EXT1: variants seen among roughly 807,000 people sequenced by gnomAD.
EXT1 encodes the protein exostosin-1.
In EXT1, 20 loss-of-function variants were observed where a neutral mutation model predicts 82.5. That is an observed-to-expected ratio of 0.24 (90% CI 0.17 to 0.35). EXT1 has a LOEUF of 0.35. Among genes scored for constraint, EXT1 ranks in the 10% least tolerant of loss-of-function variants. The pLI is 1.00. For synonymous variants in EXT1, 348 were observed against 350.8 expected (o/e 0.99, Z 0.09); for missense variants, 757 against 936.5 (o/e 0.81, Z 2.50).
At position 117,810,332 on chromosome 8, in the gene EXT1, T is replaced by C. The variant is rs1224122829; in HGVS notation, c.1722+2540A>G. ...CTAAAAAAAGAGAAAAGAGAAATCC[T>C]TGCCCAGGACCATTTTAGGCAACAC... On this transcript the variant is annotated intron_variant, in intron 8 of 10. Coordinates refer to ENST00000378204, the MANE Select transcript of EXT1 (RefSeq NM_000127.3). 2.0e-5 allele frequency among the ~76,000 whole-genome samples: 3 copies of C among 152,194 alleles called. No homozygotes were observed. In the East Asian group the frequency reaches 5.8e-4, roughly 29 times the overall value.
Position 117,879,884 on chromosome 8 carries a change from T to C in EXT1, c.963-42683A>G, listed in dbSNP as rs190639080. ...CTTATGATTCAAAATCCATACACCATATAAGGTGTGCTTTGGATGAGTCTT... is the reference window on the plus strand; with the variant it reads ...CTTATGATTCAAAATCCATACACCACATAAGGTGTGCTTTGGATGAGTCTT... On this transcript the variant is annotated intron_variant, in intron 1 of 10. Transcript: ENST00000378204. Among the ~76,000 whole-genome samples the C allele has an allele frequency of 4.2e-3, 641 of 152,322 alleles. 5 individuals are homozygous for C. Among genetic ancestry groups the C allele is most frequent in the African/African-American group, 0.015 (609 of 41,562 alleles).
At chr8:118,067,981 T>C (rs1469735228) in intron 1 of EXT1, among the ~76,000 whole-genome samples, 1 of 152,192 alleles carries the variant, frequency 6.6e-6, no homozygotes, top group Non-Finnish European at 1.5e-5. Flanking sequence ...TTTGCAATAT[T>C]AGTAACAAAA....
intron 1 of EXT1, among the ~76,000 whole-genome samples, chr8:117,981,981 T>A (rs907580251): frequency 1.3e-5 from 2 of 152,228 alleles, no homozygotes; most frequent in Non-Finnish European, 2.9e-5. Flanking sequence ...AGTTTAGATT[T>A]TTTTTCCAGA....
chr8:117,884,454 C>T (rs1350836126), intron 1 of EXT1, among the ~76,000 whole-genome samples: 1 of 152,150 alleles, frequency 6.6e-6, no homozygotes, highest in Non-Finnish European at 1.5e-5. Context: ...TTCTTAGATG[C>T]AATCATTACT....
intron 1 of EXT1, among the ~76,000 whole-genome samples, chr8:117,990,317 GA>G (rs550196633): frequency 1.1e-3 from 171 of 152,312 alleles, no homozygotes; most frequent in African/African-American, 3.6e-3. Context: ...AGCAGACAAG[GA>G]AAAACTTTCA....
chr8:118,022,786 G>C (rs1816132684), intron 1 of EXT1, among the ~76,000 whole-genome samples: 1 of 152,110 alleles, frequency 6.6e-6, no homozygotes. Flanking sequence ...CAGGTTAAAA[G>C]AAACAACCAA....
intron 1 of EXT1, among the ~76,000 whole-genome samples, chr8:117,939,571 G>GA (rs11420757): frequency 0.58 from 70,772 of 122,592 alleles, 20,810 homozygotes; most frequent in Middle Eastern, 0.75. Context: ...CTCCATCTCT[G>GA]AAAAAAAAAA....
intron 1 of EXT1, among the ~76,000 whole-genome samples, chr8:117,884,836 C>A (rs2129928319): frequency 6.6e-6 from 1 of 152,300 alleles, no homozygotes; most frequent in East Asian, 1.9e-4. Flanking sequence ...GCCATCACAT[C>A]CCGTCTTCTC....
At chr8:117,935,820 C>A (rs1814149379) in intron 1 of EXT1, among the ~76,000 whole-genome samples, 1 of 151,998 alleles carries the variant, frequency 6.6e-6, no homozygotes, top group South Asian at 2.1e-4. Flanking sequence ...CAGAGAGGAC[C>A]TGGGTTGTCA....
chr8:118,087,326 T>G (rs990091248), intron 1 of EXT1, among the ~76,000 whole-genome samples: 1 of 152,200 alleles, frequency 6.6e-6, no homozygotes, highest in Admixed American at 6.5e-5. Context: ...TCATCAGATA[T>G]TCACATACTA....
intron 1 of EXT1, among the ~76,000 whole-genome samples, chr8:117,855,097 T>C (rs949301560): frequency 1.3e-5 from 2 of 152,186 alleles, no homozygotes; most frequent in Non-Finnish European, 2.9e-5. Context: ...CTGGATAAGA[T>C]AAAGCAGTCA....
chr8:117,832,519 T>TCAAAAAAAAAAA (rs1812118185), intron 3 of EXT1, among the ~76,000 whole-genome samples: 1 of 138,498 alleles, frequency 7.2e-6, no homozygotes, highest in Non-Finnish European at 1.6e-5. Flanking sequence ...CAAGACTGTC[T>TCAAAAAAAAAAA]TAAAAAAAAA....
At chr8:118,072,861 A>T (rs1586377212) in intron 1 of EXT1, among the ~76,000 whole-genome samples, 1 of 152,198 alleles carries the variant, frequency 6.6e-6, no homozygotes, top group East Asian at 1.9e-4. Flanking sequence ...GGGAACTCTT[A>T]CCCAAAGGGA....
chr8:118,040,774 T>G (rs190540789), intron 1 of EXT1, among the ~76,000 whole-genome samples: 3 of 152,346 alleles, frequency 2.0e-5, no homozygotes, highest in African/African-American at 7.2e-5. Context: ...CACAAGGTCT[T>G]AGAAAATGTT....
At chr8:118,061,454 T>C (rs1816878710) in intron 1 of EXT1, among the ~76,000 whole-genome samples, 1 of 152,234 alleles carries the variant, frequency 6.6e-6, no homozygotes, top group African/African-American at 2.4e-5. Flanking sequence ...ATAGAAAATG[T>C]GCTCATAAAA....
intron 1 of EXT1, among the ~76,000 whole-genome samples, chr8:117,986,493 G>A (rs1239347406): frequency 6.6e-6 from 1 of 152,062 alleles, no homozygotes; most frequent in Admixed American, 6.6e-5. Flanking sequence ...CACCGCACCT[G>A]GAATTTTACT....
intron 1 of EXT1, among the ~76,000 whole-genome samples, chr8:118,021,969 TC>T (rs1288883797): frequency 6.6e-6 from 1 of 152,182 alleles, no homozygotes; most frequent in African/African-American, 2.4e-5. Flanking sequence ...CCTCCAACTT[TC>T]AAATCCTAAT....
intron 1 of EXT1, among the ~76,000 whole-genome samples, chr8:117,985,372 C>T (rs767573263): frequency 2.6e-5 from 4 of 152,192 alleles, no homozygotes; most frequent in Admixed American, 1.3e-4. Flanking sequence ...GGGCACCAAT[C>T]CTGCCTGTTA....
At chr8:117,844,423 G>T (rs1460848110) in intron 1 of EXT1, among the ~76,000 whole-genome samples, 1 of 152,182 alleles carries the variant, frequency 6.6e-6, no homozygotes, top group Non-Finnish European at 1.5e-5. Flanking sequence ...AAAGTGGTGG[G>T]ATTACAGGAG....
Sources: allele counts gnomAD v4.1 joint callset (sites outside exome capture counted in the v4.1 genomes callset), GRCh38; gene constraint gnomAD v4.1.1; transcripts MANE v1.5; gene names NCBI Gene and HGNC (gene_info 2026-07-23, HGNC 2026-07-21).